VAV2: variants seen among roughly 807,000 people sequenced by gnomAD.
The protein encoded by VAV2 is vav guanine nucleotide exchange factor 2.
VAV2 carries 67 observed loss-of-function variants against 132.5 expected under a neutral mutation model. That is an observed-to-expected ratio of 0.51 (90% CI 0.42 to 0.62). VAV2 has a LOEUF of 0.62. Among genes scored for constraint, VAV2 ranks in the 20% least tolerant of loss-of-function variants. VAV2 has a pLI of 0.00. For synonymous variants in VAV2, 492 were observed against 443.5 expected (o/e 1.11, Z -1.37); for missense variants, 938 against 1,153.6 (o/e 0.81, Z 2.71).
chr9:133,770,495 C>A lies in VAV2; in HGVS notation c.2230G>T (p.Val744Leu). The A allele has an allele frequency of 6.2e-7, 1 of 1,613,968 alleles. No homozygotes were observed. Among genetic ancestry groups the A allele is most frequent in the Non-Finnish European group, 8.5e-7 (1 of 1,179,896 alleles). Reference protein sequence around the residue: ...AKKFDSLLELVEYYQCHSLKE... With the variant: ...AKKFDSLLELLEYYQCHSLKE... ...AGTGAGTGGCACTGGTAGTACTCCA[C>A]CAACTCCTGCAGGGCGTACACACTC... Residue 744 changes from valine to leucine, a missense_variant, in exon 27 of 30, where the codon GTG (valine) becomes TTG (leucine). Coordinates refer to ENST00000371850, the MANE Select transcript of VAV2 (RefSeq NM_001134398.2).
At chr9:133,852,354 G>C (rs1837222152) in intron 3 of VAV2, among the ~76,000 whole-genome samples, 1 of 149,948 alleles carries the variant, frequency 6.7e-6, no homozygotes, top group South Asian at 2.2e-4. Flanking sequence ...GTAGATAAGT[G>C]AGTAGACAGA....
chr9:133,861,674 T>C (rs7863169), intron 2 of VAV2, among the ~76,000 whole-genome samples: 3,345 of 152,290 alleles, frequency 0.022, 116 homozygotes, highest in African/African-American at 0.076. Context: ...CCTGTGGCCA[T>C]GCTGCTAACA....
chr9:133,839,543 C>T lies in VAV2; in HGVS notation c.381-5203G>A, dbSNP rs369464920. On this transcript the variant is annotated intron_variant, in intron 3 of 29. Coordinates refer to ENST00000371850, the MANE Select transcript of VAV2 (RefSeq NM_001134398.2). Reference sequence around the variant, plus strand: ...TCGGCTCACTGCAACCTCTGCCTCCCGGGTTCAAGTGATTCCCCTGTCTCA... The same window carrying T: ...TCGGCTCACTGCAACCTCTGCCTCCTGGGTTCAAGTGATTCCCCTGTCTCA... Among the ~76,000 whole-genome samples, 10 of 151,964 alleles carry T rather than the reference C, an allele frequency of 6.6e-5. No homozygotes were observed. The East Asian group carries it at 1.5e-3, about 24-fold the overall frequency.
intron 10 of VAV2, among the ~76,000 whole-genome samples, chr9:133,796,759 A>C (rs1256669074): frequency 6.6e-6 from 1 of 152,042 alleles, no homozygotes; most frequent in Admixed American, 6.6e-5. Context: ...ACTGGGACGC[A>C]GTGAGACACG....
At chr9:133,848,639 C>T (rs999724458) in intron 3 of VAV2, among the ~76,000 whole-genome samples, 4 of 152,278 alleles carry the variant, frequency 2.6e-5, no homozygotes, top group Admixed American at 2.0e-4. Context: ...GCCTTCAAAA[C>T]CAGGCCATGT....
At chr9:133,779,175 C>T (rs1480367993) in intron 21 of VAV2, among the ~76,000 whole-genome samples, 2 of 152,268 alleles carry the variant, frequency 1.3e-5, no homozygotes, top group Non-Finnish European at 2.9e-5. Context: ...CTGTGGCCCA[C>T]AGGCAGCTGT....
intron 2 of VAV2, among the ~76,000 whole-genome samples, chr9:133,914,564 C>A (rs1273244750): frequency 7.5e-6 from 1 of 133,136 alleles, no homozygotes; most frequent in Non-Finnish European, 1.6e-5. Flanking sequence ...GTGGGGGTGA[C>A]GGCTGCCAAG....
At chr9:133,887,391 G>A (rs1226856456) in intron 2 of VAV2, among the ~76,000 whole-genome samples, 1 of 152,130 alleles carries the variant, frequency 6.6e-6, no homozygotes, top group African/African-American at 2.4e-5. Flanking sequence ...ATTTTCAGAG[G>A]TGTGGACATC....
chr9:133,812,039 A>G (rs1835375329), intron 5 of VAV2, 75 bp downstream of exon 5: 1 of 1,453,916 alleles, frequency 6.9e-7, no homozygotes, highest in Non-Finnish European at 9.6e-7. Flanking sequence ...ACAGCTCGGT[A>G]TTGTGTTAAG....
rs1588283933 is a variant in VAV2, at chr9:133,863,473, C to T, written c.322-2041G>A. 6.6e-6 allele frequency among the ~76,000 whole-genome samples: 1 copy of T among 152,208 alleles called. No individual in the cohort carries two copies. The highest frequency in any genetic ancestry group is 2.4e-5 in the African/African-American group (1 of 41,454). On this transcript the variant is annotated intron_variant, in intron 2 of 29. Coordinates refer to ENST00000371850, the MANE Select transcript of VAV2 (RefSeq NM_001134398.2). This position sits in a 1 kb window ranked among gnomAD's most constrained non-coding sequence, Gnocchi z 5.0. ...AACCGGAGACAGAGAGGAGGCGTGG[C>T]GGGCGAGCCAGCCAAGGCCAGAACA...
chr9:133,777,343 C>CA (rs765259779), intron 23 of VAV2, 46 bp downstream of exon 23: 2 of 1,602,870 alleles, frequency 1.2e-6, no homozygotes, highest in South Asian at 2.2e-5. Context: ...GAACCCTCAG[C>CA]ACCCAGGCCA....
Position 133,774,932 on chromosome 9 carries a change from T to C in VAV2, c.2135+3A>G. 1 of 1,610,432 alleles carries C rather than the reference T, an allele frequency of 6.2e-7. No homozygotes were observed. The highest frequency in any genetic ancestry group is 8.5e-7 in the Non-Finnish European group (1 of 1,178,002). On this transcript the variant is annotated splice_donor_region_variant and intron_variant, in intron 25 of 29. Transcript: ENST00000371850. ...TCTCCTCGAGCCCAGAGCCGCCACT[T>C]ACTTGATGCTTATTGCAAAGCGCTC...
In VAV2 at chr9:133,874,401, CGGGGATAAA is replaced by C. The variant is rs575542851; in HGVS notation, c.322-12978_322-12970del. 5.3e-3 allele frequency among the ~76,000 whole-genome samples: 806 copies of C among 152,222 alleles called. 3 individuals are homozygous for C. The highest frequency in any genetic ancestry group is 0.01 in the Middle Eastern group (3 of 294). On this transcript the variant is annotated intron_variant, in intron 2 of 29. Coordinates refer to ENST00000371850, the MANE Select transcript of VAV2 (RefSeq NM_001134398.2). Reference sequence around the variant, plus strand: ...CCCTCCCCTGTCCACCAGGAAAAAGCGGGGATAAAGGTGGGTTCCAGTGTGGGAGGCATC... The same window carrying C: ...CCCTCCCCTGTCCACCAGGAAAAAGCGGTGGGTTCCAGTGTGGGAGGCATC...
intron 3 of VAV2, 160 bp downstream of exon 3, chr9:133,861,214 C>T (rs536595408): frequency 7.7e-4 from 536 of 696,044 alleles, no homozygotes; most frequent in Admixed American, 9.1e-4. Flanking sequence ...CACACCCCTT[C>T]CTGCAGCCGC....
intron 3 of VAV2, among the ~76,000 whole-genome samples, chr9:133,845,628 G>A (rs1198535128): frequency 1.3e-5 from 2 of 152,194 alleles, no homozygotes; most frequent in South Asian, 2.1e-4. Context: ...CTAGTGTGAC[G>A]GGGCCTCACG....
At chr9:133,978,360 G>A (rs1842583486) in intron 1 of VAV2, among the ~76,000 whole-genome samples, 1 of 152,202 alleles carries the variant, frequency 6.6e-6, no homozygotes, top group Admixed American at 6.5e-5. Context: ...CAGAAGACAG[G>A]CAGGCACCCC....
chr9:133,907,581 T>C (rs1839704809), intron 2 of VAV2, among the ~76,000 whole-genome samples: 1 of 152,144 alleles, frequency 6.6e-6, no homozygotes, highest in South Asian at 2.1e-4. Context: ...CCCTGGGAGA[T>C]GTTTTAGGGG....
intron 3 of VAV2, among the ~76,000 whole-genome samples, chr9:133,861,044 A>G (rs1837573297): frequency 6.6e-6 from 1 of 152,194 alleles, no homozygotes; most frequent in South Asian, 2.1e-4. Flanking sequence ...CATTCTCGGC[A>G]CAGCCCCCGG....
intron 2 of VAV2, among the ~76,000 whole-genome samples, chr9:133,868,143 G>T (rs1352230761): frequency 6.6e-6 from 1 of 152,224 alleles, no homozygotes; most frequent in African/African-American, 2.4e-5. Flanking sequence ...GTGGCCACAG[G>T]AATCCTCGCT....
Sources: gnomAD v4.1 joint callset for allele counts (sites outside exome capture counted in the v4.1 genomes callset) on GRCh38, gnomAD v4.1.1 for gene constraint, Gnocchi (gnomAD v3.1) non-coding constraint, MANE v1.5 for transcripts, NCBI Gene and HGNC (gene_info 2026-07-23, HGNC 2026-07-21) for gene names.